The following MAGI2 variants were observed in gnomAD, a reference collection of about 807,000 sequenced individuals.
MAGI2 encodes the protein membrane associated guanylate kinase, WW and PDZ domain containing 2, also known as membrane-associated guanylate kinase, WW and PDZ domain-containing protein 2.
Under a neutral mutation model 133.3 loss-of-function variants are expected in MAGI2, and 35 were observed. That is an observed-to-expected ratio of 0.26 (90% CI 0.20 to 0.35). The LOEUF is 0.35. Ranked by LOEUF, MAGI2 falls within the 10% of genes least tolerant of loss-of-function variation. The probability of loss-of-function intolerance (pLI) is 1.00; values close to 1 mark genes in which losing one functional copy is unlikely to be tolerated. For synonymous variants in MAGI2, 729 were observed against 710.6 expected (o/e 1.03, Z -0.41); for missense variants, 1,636 against 1,863.4 (o/e 0.88, Z 2.25).
intron 2 of MAGI2, among the ~76,000 whole-genome samples, chr7:78,826,009 T>C (rs752526902): frequency 1.2e-4 from 18 of 152,140 alleles, no homozygotes; most frequent in Non-Finnish European, 2.6e-4. Context: ...TATTCAGTGA[T>C]AAAAAGAAAT....
chr7:78,553,618 T>C (rs1360799966), intron 3 of MAGI2, among the ~76,000 whole-genome samples: 1 of 152,156 alleles, frequency 6.6e-6, no homozygotes, highest in Non-Finnish European at 1.5e-5. Context: ...AGCTACTGAG[T>C]ATGAAGCCCC....
chr7:79,263,758 C>A (rs974732250), intron 1 of MAGI2, among the ~76,000 whole-genome samples: 2 of 151,978 alleles, frequency 1.3e-5, no homozygotes, highest in Admixed American at 1.3e-4. Context: ...CATTGACACC[C>A]TGAGGCTATA....
At chr7:78,431,349 GCTATTTA>G (rs531809329) in intron 6 of MAGI2, among the ~76,000 whole-genome samples, 149 of 152,080 alleles carry the variant, frequency 9.8e-4, no homozygotes, top group African/African-American at 3.3e-3. Flanking sequence ...GCTAATACCT[GCTATTTA>G]GGGAGAGGAA....
rs146141540 is a variant in MAGI2, at chr7:78,147,722, G to C, written c.2845+12303C>G. 2.1e-4 allele frequency among the ~76,000 whole-genome samples: 32 copies of C among 152,088 alleles called. 1 individual carries two copies. In the East Asian group the frequency reaches 6.2e-3, roughly 29 times the overall value. On this transcript the variant is annotated intron_variant, in intron 16 of 21. Coordinates refer to ENST00000354212, the MANE Select transcript of MAGI2 (RefSeq NM_012301.4). Reference sequence around the variant, plus strand: ...CGATCTTCAATATCATTAGTCTTTAGAGAAAAACGCAAACTAAAACCAAAA... The same window carrying C: ...CGATCTTCAATATCATTAGTCTTTACAGAAAAACGCAAACTAAAACCAAAA...
intron 1 of MAGI2, among the ~76,000 whole-genome samples, chr7:79,448,299 C>T (rs1274059684): frequency 2.6e-5 from 4 of 151,624 alleles, no homozygotes; most frequent in African/African-American, 9.7e-5. Context: ...TTTCATTCTG[C>T]AAAAAAACCT....
intron 2 of MAGI2, among the ~76,000 whole-genome samples, chr7:78,935,322 C>A (rs575141127): frequency 5.9e-5 from 9 of 152,172 alleles, no homozygotes; most frequent in African/African-American, 2.2e-4. Context: ...ATTTATGATT[C>A]TTTTCTTCCT....
At chr7:79,265,689 T>A (rs1331779215) in intron 1 of MAGI2, among the ~76,000 whole-genome samples, 3 of 152,118 alleles carry the variant, frequency 2.0e-5, no homozygotes, top group Admixed American at 6.6e-5. Flanking sequence ...TGAGTTAGAT[T>A]TTTTTAAAAT....
At chr7:78,032,441 C>T (rs118048872) in intron 21 of MAGI2, among the ~76,000 whole-genome samples, 6,079 of 152,146 alleles carry the variant, frequency 0.04, 178 homozygotes, top group South Asian at 0.095. Flanking sequence ...TCTTGAACTT[C>T]GGGGCTCAAA....
At chr7:78,962,017 C>G (rs1414617419) in intron 2 of MAGI2, among the ~76,000 whole-genome samples, 1 of 151,882 alleles carries the variant, frequency 6.6e-6, no homozygotes, top group Non-Finnish European at 1.5e-5. Flanking sequence ...ATTTGTGTAT[C>G]TAAACATAGA....
At chr7:78,201,545 C>A (rs1389290415) in intron 10 of MAGI2, among the ~76,000 whole-genome samples, 7 of 152,286 alleles carry the variant, frequency 4.6e-5, no homozygotes, top group African/African-American at 1.7e-4. Flanking sequence ...AGGATATTGA[C>A]ATACATTTTG....
chr7:78,597,330 AT>A (rs1303104322), intron 3 of MAGI2, among the ~76,000 whole-genome samples: 1 of 150,370 alleles, frequency 6.7e-6, no homozygotes, highest in African/African-American at 2.4e-5. Flanking sequence ...ATACATAATA[AT>A]TTTTGTGAAA....
intron 1 of MAGI2, among the ~76,000 whole-genome samples, chr7:79,009,291 A>C (rs999301746): frequency 9.2e-5 from 14 of 152,142 alleles, no homozygotes; most frequent in African/African-American, 2.9e-4. Context: ...AAAACAACAA[A>C]AAAGTCTATT....
chr7:78,563,588 T>C (rs1800631996), intron 3 of MAGI2, among the ~76,000 whole-genome samples: 1 of 152,212 alleles, frequency 6.6e-6, no homozygotes, highest in South Asian at 2.1e-4. Flanking sequence ...ATGACCCCAG[T>C]CATCCACAGC....
intron 2 of MAGI2, among the ~76,000 whole-genome samples, chr7:78,902,820 C>G (rs968314862): frequency 1.3e-5 from 2 of 152,108 alleles, no homozygotes. Context: ...CCAGCAGAAA[C>G]AAACCCTAGG....
At chr7:79,023,957 A>T (rs1584713967) in intron 1 of MAGI2, among the ~76,000 whole-genome samples, 1 of 152,164 alleles carries the variant, frequency 6.6e-6, no homozygotes, top group East Asian at 1.9e-4. Flanking sequence ...ATTACCAAAG[A>T]CATTCTTCAC....
chr7:79,225,610 A>G (rs943526913), intron 1 of MAGI2, among the ~76,000 whole-genome samples: 8 of 152,234 alleles, frequency 5.3e-5, no homozygotes, highest in Admixed American at 5.2e-4. Flanking sequence ...AGTTTGTAAA[A>G]TATATCACAG....
intron 2 of MAGI2, among the ~76,000 whole-genome samples, chr7:78,810,359 A>G (rs1788939118): frequency 6.6e-6 from 1 of 152,150 alleles, no homozygotes; most frequent in Non-Finnish European, 1.5e-5. Context: ...ATCTAGAATC[A>G]ATACCTATGT....
chr7:78,599,646 A>G (rs38093), intron 3 of MAGI2, among the ~76,000 whole-genome samples: 130,902 of 152,246 alleles, frequency 0.86, 56,709 homozygotes, highest in African/African-American at 0.97. Context: ...GACCTGTAAA[A>G]TCAGAGGTAG....
At position 79,011,924 on chromosome 7, in the gene MAGI2, C is replaced by CCTTT. The variant is rs147300397; in HGVS notation, c.302-4722_302-4719dup. Among the ~76,000 whole-genome samples the CCTTT allele has an allele frequency of 5.8e-3, 702 of 121,258 alleles. 9 individuals carry two copies. Among genetic ancestry groups the CCTTT allele is most frequent in the African/African-American group, 0.019 (577 of 30,158 alleles). 79.5% of individuals were successfully genotyped at this position (121,258 alleles called of 152,430 possible). A position where few individuals can be genotyped will look rare whatever the true frequency, so the allele number is the denominator to read the frequency against. On this transcript the variant is annotated intron_variant, in intron 1 of 21. Coordinates refer to ENST00000354212, the MANE Select transcript of MAGI2 (RefSeq NM_012301.4). ...TCCTTCCTTCCTTCCTTCCTTCCTT[C>CCTTT]CTTTCTTTCTTTCTTTCTTTCTTTC...
Sources: allele counts gnomAD v4.1 joint callset (sites outside exome capture counted in the v4.1 genomes callset), GRCh38; gene constraint gnomAD v4.1.1; transcripts MANE v1.5; gene names NCBI Gene and HGNC (gene_info 2026-07-23, HGNC 2026-07-21).